ITGB3BP: variants seen among roughly 807,000 people sequenced by gnomAD.
The protein encoded by ITGB3BP is centromere protein R.
Under a neutral mutation model 29.1 loss-of-function variants are expected in ITGB3BP, and 27 were observed. The observed-to-expected ratio is 0.93, with a 90% CI of 0.68 to 1.28. The LOEUF is 1.28. ITGB3BP is among the 50% of genes most tolerant of loss of function. The probability of loss-of-function intolerance (pLI) is 0.00; values close to 1 mark genes in which losing one functional copy is unlikely to be tolerated. For synonymous variants in ITGB3BP, 61 were observed against 61.4 expected, an observed-to-expected ratio of 0.99 and a Z score of 0.03; for missense variants, 192 against 200.2, an observed-to-expected ratio of 0.96 and a Z score of 0.25.
intron 2 of ITGB3BP, among the ~76,000 whole-genome samples, chr1:63,496,230 C>A (rs967641257): frequency 6.6e-6 from 1 of 151,796 alleles, no homozygotes; most frequent in South Asian, 2.1e-4. Flanking sequence ...GTAATTGGGA[C>A]GACAGGTGCG....
At chr1:63,494,182 C>T (rs1262467588) in intron 2 of ITGB3BP, among the ~76,000 whole-genome samples, 3 of 152,056 alleles carry the variant, frequency 2.0e-5, no homozygotes, top group Non-Finnish European at 2.9e-5. Flanking sequence ...CTGGGTCTTC[C>T]GGACTGGAGT....
chr1:63,518,414 T>C (rs1646381429), intron 1 of ITGB3BP, among the ~76,000 whole-genome samples: 1 of 152,220 alleles, frequency 6.6e-6, no homozygotes, highest in African/African-American at 2.4e-5. Context: ...GCTTTAATGA[T>C]ATTACCTCTT....
intron 8 of ITGB3BP, chr1:63,443,267 C>T (rs1271739099): frequency 6.6e-6 from 1 of 152,150 alleles, no homozygotes; most frequent in Non-Finnish European, 1.5e-5. Context: ...GCAGCTATGA[C>T]AAATATACAA....
In ITGB3BP at chr1:63,502,746, C is replaced by T. The variant is rs1013613870; in HGVS notation, c.48+5782G>A. Reference sequence around the variant, plus strand: ...GTTCTCGTTGTTCAATTCCCACCTACGAGTGAGAACACGCGGTGTTTGGTT... The same window carrying T: ...GTTCTCGTTGTTCAATTCCCACCTATGAGTGAGAACACGCGGTGTTTGGTT... On this transcript the variant is annotated intron_variant, in intron 2 of 8. Transcript: ENST00000271002. Among the ~76,000 whole-genome samples, 119 of 148,354 alleles carry T rather than the reference C, an allele frequency of 8.0e-4. 1 individual carries two copies. The highest frequency in any genetic ancestry group is 2.8e-3 in the African/African-American group (114 of 40,326).
At chr1:63,497,764 G>T (rs1645825080) in intron 2 of ITGB3BP, among the ~76,000 whole-genome samples, 1 of 152,154 alleles carries the variant, frequency 6.6e-6, no homozygotes. Context: ...GTACCTGTCT[G>T]TTCTTTTCTT....
intron 1 of ITGB3BP, chr1:63,510,310 C>T (rs1390131780): frequency 2.6e-6 from 1 of 384,266 alleles, no homozygotes. Context: ...AGACATATTC[C>T]ATCCTGATAT....
chr1:63,513,697 T>C (rs1233533545), intron 1 of ITGB3BP, among the ~76,000 whole-genome samples: 2 of 152,206 alleles, frequency 1.3e-5, no homozygotes, highest in Non-Finnish European at 1.5e-5. Context: ...GATTTCATAT[T>C]GACATCTCCA....
intron 1 of ITGB3BP, among the ~76,000 whole-genome samples, chr1:63,516,721 A>AG (rs985512404): frequency 2.6e-5 from 4 of 151,460 alleles, no homozygotes; most frequent in Non-Finnish European, 5.9e-5. Flanking sequence ...TGAAAAAAAA[A>AG]AAAAAAGAAA....
intron 3 of ITGB3BP, among the ~76,000 whole-genome samples, chr1:63,479,189 G>C (rs1433193745): frequency 6.6e-6 from 1 of 152,000 alleles, no homozygotes; most frequent in African/African-American, 2.4e-5. Flanking sequence ...AAGGCTTCCA[G>C]TTTGCATTAT....
At chr1:63,460,342 T>G (rs1031522270) in intron 4 of ITGB3BP, among the ~76,000 whole-genome samples, 1 of 152,218 alleles carries the variant, frequency 6.6e-6, no homozygotes, top group Non-Finnish European at 1.5e-5. Context: ...TTAATCTCCT[T>G]TCTATCTCTT....
intron 4 of ITGB3BP, among the ~76,000 whole-genome samples, chr1:63,466,252 AG>A (rs112696267): frequency 0.021 from 3,254 of 152,318 alleles, 123 homozygotes; most frequent in African/African-American, 0.074. Flanking sequence ...TCCTAAGAAA[AG>A]CCTCTTGGCA....
At chr1:63,467,043 C>T (rs1357412423) in intron 4 of ITGB3BP, among the ~76,000 whole-genome samples, 3 of 151,740 alleles carry the variant, frequency 2.0e-5, no homozygotes, top group Non-Finnish European at 4.4e-5. Flanking sequence ...CTACCATGCT[C>T]GGCTCATTTT....
At chr1:63,519,586 T>C (rs527629795) in intron 1 of ITGB3BP, among the ~76,000 whole-genome samples, 9 of 152,260 alleles carry the variant, frequency 5.9e-5, no homozygotes, top group African/African-American at 2.2e-4. Flanking sequence ...TTCACCAATC[T>C]TCTTTTAAAA....
chr1:63,473,595 A>C (rs1203382456), intron 4 of ITGB3BP, among the ~76,000 whole-genome samples: 1 of 126,060 alleles, frequency 7.9e-6, no homozygotes, highest in Non-Finnish European at 1.7e-5. Flanking sequence ...CTGCCCGGCC[A>C]GCCGCCCCGT....
chr1:63,473,648 G>A (rs1329396041), intron 4 of ITGB3BP, among the ~76,000 whole-genome samples: 86 of 122,348 alleles, frequency 7.0e-4, no homozygotes, highest in Middle Eastern at 5.7e-3. Context: ...CCGGCCAGCC[G>A]CCCCGTCCGG....
chr1:63,511,214 C>G (rs1267073935), intron 1 of ITGB3BP, among the ~76,000 whole-genome samples: 1 of 151,916 alleles, frequency 6.6e-6, no homozygotes, highest in East Asian at 1.9e-4. Flanking sequence ...CAAATCAGAA[C>G]CACAATGAAA....
intron 2 of ITGB3BP, among the ~76,000 whole-genome samples, chr1:63,490,522 C>G (rs575166479): frequency 6.6e-6 from 1 of 152,154 alleles, no homozygotes; most frequent in East Asian, 1.9e-4. Flanking sequence ...CCAACCATAC[C>G]CTGACTTTTG....
intron 1 of ITGB3BP, among the ~76,000 whole-genome samples, chr1:63,512,203 T>C (rs2136925): frequency 6.6e-6 from 1 of 151,828 alleles, no homozygotes; most frequent in East Asian, 1.9e-4. Flanking sequence ...TAGAAAGCAT[T>C]TGACATGCAA....
At chr1:63,496,195 T>A (rs1001385295) in intron 2 of ITGB3BP, among the ~76,000 whole-genome samples, 1 of 151,642 alleles carries the variant, frequency 6.6e-6, no homozygotes, top group African/African-American at 2.4e-5. Context: ...TGGGCTCAAG[T>A]GACCCTCCCA....
Sources: allele counts gnomAD v4.1 joint callset (sites outside exome capture counted in the v4.1 genomes callset), GRCh38; gene constraint gnomAD v4.1.1; transcripts MANE v1.5; gene names NCBI Gene and HGNC (gene_info 2026-07-23, HGNC 2026-07-21).